Variants in HAAO observed in about 807,000 individuals in gnomAD.
HAAO encodes 3-hydroxyanthranilate 3,4-dioxygenase.
In HAAO, 49 loss-of-function variants were observed where a neutral mutation model predicts 46.2. The ratio of observed to expected loss-of-function variants is 1.06; its 90% CI spans 0.84 to 1.34. The LOEUF (loss-of-function observed/expected upper bound fraction) is 1.34. Among genes scored for constraint, HAAO ranks in the 40% most tolerant of loss-of-function variants. The probability of loss-of-function intolerance (pLI) is 0.00; values close to 1 mark genes in which losing one functional copy is unlikely to be tolerated. For missense variants in HAAO, 408 were observed against 364.5 expected, an observed-to-expected ratio of 1.12 and a Z score of -0.97; for synonymous variants, 157 against 145.2, an observed-to-expected ratio of 1.08 and a Z score of -0.58.
At chr2:42,769,454 T>C (rs572551406) in intron 7 of HAAO, among the ~76,000 whole-genome samples, 3 of 152,262 alleles carry the variant, frequency 2.0e-5, no homozygotes, top group African/African-American at 7.2e-5. Context: ...TGAATTCAGA[T>C]CATAAAATTG....
At chr2:42,784,637 G>A (rs915751165) in intron 2 of HAAO, among the ~76,000 whole-genome samples, 10 of 152,074 alleles carry the variant, frequency 6.6e-5, no homozygotes, top group African/African-American at 2.2e-4. Flanking sequence ...GAGGCAGACC[G>A]GTTTTCTCTC....
chr2:42,773,777 G>A (rs1671334021), intron 4 of HAAO, among the ~76,000 whole-genome samples: 1 of 152,070 alleles, frequency 6.6e-6, no homozygotes, highest in Non-Finnish European at 1.5e-5. Context: ...TAGTAGAAAT[G>A]GGGTTTCACC....
intron 6 of HAAO, 116 bp downstream of exon 6, chr2:42,770,027 A>G: frequency 8.9e-7 from 1 of 1,127,584 alleles, no homozygotes; most frequent in Non-Finnish European, 1.3e-6. Context: ...TCTTCTTAGT[A>G]CCTTGAGGAC....
In HAAO at chr2:42,788,673, C is replaced by T. The variant is rs967851018; in HGVS notation, c.81-66G>A. The T allele has an allele frequency of 2.2e-5, 24 of 1,067,596 alleles. No individual in the cohort carries two copies. In the Admixed American group the frequency reaches 2.7e-4, roughly 12 times the overall value. 66.1% of individuals were successfully genotyped at this position (1,067,596 alleles called of 1,614,324 possible). A position where few individuals can be genotyped will look rare whatever the true frequency, so the allele number is the denominator to read the frequency against. ...CTAGGAGTGAAGAGAGCACGGGTCC[C>T]GTGGGGGCCAGGAGGGAGCCTGAGG... is the stretch of plus-strand genomic sequence containing the variant. On this transcript the variant is annotated intron_variant, in intron 1 of 9. Coordinates refer to ENST00000294973, the MANE Select transcript of HAAO (RefSeq NM_012205.3).
intron 3 of HAAO, 41 bp from the exon 4 acceptor site, chr2:42,783,461 C>T (rs1672159563): frequency 3.9e-6 from 5 of 1,287,780 alleles, no homozygotes; most frequent in Non-Finnish European, 5.6e-6. Flanking sequence ...GGCTGCAATC[C>T]CTCATGGAGA....
intron 7 of HAAO, among the ~76,000 whole-genome samples, chr2:42,768,347 T>C (rs1339554990): frequency 6.6e-6 from 1 of 152,146 alleles, no homozygotes. Context: ...CTCTCTGACA[T>C]GCACCAGCCT....
At chr2:42,776,595 G>A (rs1671593565) in intron 4 of HAAO, among the ~76,000 whole-genome samples, 1 of 149,594 alleles carries the variant, frequency 6.7e-6, no homozygotes, top group Non-Finnish European at 1.5e-5. Context: ...ACCTTATGAT[G>A]GAAATTTTGT....
intron 2 of HAAO, among the ~76,000 whole-genome samples, chr2:42,785,156 T>C (rs1573948676): frequency 6.6e-6 from 1 of 152,204 alleles, no homozygotes; most frequent in African/African-American, 2.4e-5. Context: ...CTACTCAAAA[T>C]GTAGCTGTGA....
rs775162261 is a variant in HAAO at position 42,783,757 on chromosome 2, C to T, written c.243+27G>A. The T allele has an allele frequency of 1.1e-5, 18 of 1,593,148 alleles. No homozygotes were observed. In the Admixed American group the frequency reaches 2.9e-4, roughly 26 times the overall value. ...TTCCAGCTGTGGCCGCCTTTCTCTT[C>T]CCCACCCTGCTGGGATCCGGCCTCA... On this transcript the variant is annotated intron_variant, in intron 3 of 9. Transcript: ENST00000294973.
intron 2 of HAAO, among the ~76,000 whole-genome samples, chr2:42,785,057 C>T (rs1672290871): frequency 6.6e-6 from 1 of 152,184 alleles, no homozygotes; most frequent in Non-Finnish European, 1.5e-5. Flanking sequence ...AGTTAAAAGC[C>T]CTCAGCTCTG....
intron 4 of HAAO, among the ~76,000 whole-genome samples, chr2:42,775,890 G>A (rs1272628178): frequency 9.7e-6 from 1 of 102,594 alleles, no homozygotes; most frequent in South Asian, 3.0e-4. Context: ...TACTAAAATA[G>A]TTATTGTAAC....
In HAAO at chr2:42,767,582, C is replaced by T. The variant is rs1670759053; in HGVS notation, c.782+13G>A. 6.3e-7 allele frequency: 1 copy of T among 1,580,762 alleles called. No homozygotes were observed. The highest frequency in any genetic ancestry group is 8.6e-7 in the Non-Finnish European group (1 of 1,162,550). On this transcript the variant is annotated intron_variant, in intron 9 of 9. Coordinates refer to ENST00000294973, the MANE Select transcript of HAAO (RefSeq NM_012205.3). ...CCTGAGGATCCCAGGGAAAGCCCTC[C>T]CTGCGTACTCACGAGGTCCCAGCTA...
chr2:42,768,788 C>G (rs984922835), intron 7 of HAAO, among the ~76,000 whole-genome samples: 24 of 152,210 alleles, frequency 1.6e-4, no homozygotes, highest in Admixed American at 1.6e-3. Context: ...AGGACAAGTC[C>G]TCCCACCTTG....
intron 2 of HAAO, among the ~76,000 whole-genome samples, chr2:42,786,283 C>T (rs1271258064): frequency 2.0e-5 from 3 of 152,122 alleles, no homozygotes; most frequent in African/African-American, 4.8e-5. Context: ...GTACAGATCA[C>T]TGAACAGCAG....
chr2:42,791,197 T>G (rs1672772610), intron 1 of HAAO, among the ~76,000 whole-genome samples: 1 of 151,952 alleles, frequency 6.6e-6, no homozygotes, highest in Non-Finnish European at 1.5e-5. Flanking sequence ...AGAGGGAAAT[T>G]TGGACACAGA....
At chr2:42,787,269 G>A (rs1573954856) in intron 2 of HAAO, among the ~76,000 whole-genome samples, 1 of 152,152 alleles carries the variant, frequency 6.6e-6, no homozygotes, top group African/African-American at 2.4e-5. Context: ...TGGAGCAGAG[G>A]CAGCAGGGGG....
Position 42,792,526 on chromosome 2 carries a change from C to G in HAAO, c.11G>C (p.Arg4Pro). Residue 4 changes from arginine (R) to proline (P), a missense_variant, in exon 1 of 10, where the codon CGC (arginine) becomes CCC (proline). Transcript: ENST00000294973. ...CTTCACCCAGGCCCTCACTCCCAGG[C>G]GGCGCTCCATGACTGTCCCGGGCGC... MER[R>P]LGVRAWVKEN... 1.3e-6 allele frequency: 2 copies of G among 1,591,328 alleles called. No individual in the cohort carries two copies. The highest frequency in any genetic ancestry group is 1.7e-5 in the Admixed American group (1 of 57,466).
At chr2:42,770,443 G>T in intron 5 of HAAO, 50 bp downstream of exon 5, 1 of 1,314,984 alleles carries the variant, frequency 7.6e-7, no homozygotes, top group Non-Finnish European at 1.1e-6. Flanking sequence ...ATCAGGTGCT[G>T]ATGCAGAGCC....
intron 2 of HAAO, among the ~76,000 whole-genome samples, chr2:42,785,682 G>A (rs1255740835): frequency 6.6e-6 from 1 of 152,118 alleles, no homozygotes; most frequent in African/African-American, 2.4e-5. Context: ...GCAACATGGT[G>A]AGACCCCATC....
Sources: allele counts gnomAD v4.1 joint callset (sites outside exome capture counted in the v4.1 genomes callset), GRCh38; gene constraint gnomAD v4.1.1; transcripts MANE v1.5; gene names NCBI Gene and HGNC (gene_info 2026-07-23, HGNC 2026-07-21).